Variants in SEC61A2 observed in about 807,000 individuals in gnomAD.
SEC61A2 encodes the protein SEC61 translocon subunit alpha 2.
A neutral mutation model predicts 59.9 loss-of-function variants in SEC61A2; 28 were observed. The ratio of observed to expected loss-of-function variants is 0.47; its 90% CI spans 0.35 to 0.64. The LOEUF is 0.64. SEC61A2 is among the 30% of genes least tolerant of loss of function. The probability of loss-of-function intolerance (pLI) is 0.01; values close to 1 mark genes in which losing one functional copy is unlikely to be tolerated. For synonymous variants in SEC61A2, 202 were observed against 214.4 expected (o/e 0.94, Z 0.50); for missense variants, 340 against 585.9 (o/e 0.58, Z 4.33).
intron 3 of SEC61A2, among the ~76,000 whole-genome samples, chr10:12,139,079 A>T (rs1644624576): frequency 6.6e-6 from 1 of 152,208 alleles, no homozygotes; most frequent in East Asian, 2.0e-4. Flanking sequence ...CTCCTATCTC[A>T]GCCTCCTGAG....
Position 12,164,974 on chromosome 10 carries a change from C to T in SEC61A2, c.*520C>T. The T allele has an allele frequency of 2.0e-6, 2 of 976,400 alleles. No homozygotes were observed. The highest frequency in any genetic ancestry group is 2.4e-6 in the Non-Finnish European group (2 of 824,026). The allele number at this position is 976,400 out of a possible 1,614,324, so 60.5% of individuals were successfully genotyped here. ...CATTTTTATTTGTCCCTTCTCAAAG[C>T]AGCCACTTAGCCCACATGGGCGAAA... On this transcript the variant is annotated 3_prime_UTR_variant, in exon 12 of 12. Transcript: ENST00000298428. The surrounding 1 kb of genome is among the most constrained non-coding windows in gnomAD (Gnocchi z 7.3).
chr10:12,164,149 T>C lies in SEC61A2; in HGVS notation c.1245-119T>C. ...CCTCCACACTGCAGCCTGTTCCCTC[T>C]GGAGTTCAGGGAGGCTTTAGACCCA... On this transcript the variant is annotated intron_variant, in intron 11 of 11. Transcript: ENST00000298428. This position sits in a 1 kb window ranked among gnomAD's most constrained non-coding sequence, Gnocchi z 7.3. 1.8e-6 allele frequency: 2 copies of C among 1,139,820 alleles called. No homozygotes were observed. 70.6% of individuals were successfully genotyped at this position (1,139,820 alleles called of 1,614,324 possible). A position where few individuals can be genotyped will look rare whatever the true frequency, so the allele number is the denominator to read the frequency against.
chr10:12,167,976 A>G, downstream of SEC61A2: 1 of 1,297,128 alleles, frequency 7.7e-7, no homozygotes, highest in South Asian at 1.7e-5. Flanking sequence ...AATAAAGACT[A>G]TAAAGGCAAG....
At chr10:12,139,790 T>C (rs563897376) in intron 3 of SEC61A2, among the ~76,000 whole-genome samples, 1 of 122,062 alleles carries the variant, frequency 8.2e-6, no homozygotes, top group South Asian at 2.7e-4. Context: ...TCTCAAAAAA[T>C]AATAAATAAA....
In SEC61A2 at chr10:12,150,776, C is replaced by CTT. The variant is rs764582648; in HGVS notation, c.462+830_462+831dup. On this transcript the variant is annotated intron_variant, in intron 6 of 11. Coordinates refer to ENST00000298428, the MANE Select transcript of SEC61A2 (RefSeq NM_018144.4). ...ACATAATTATTAGTGTCCTAAGTAT[C>CTT]TTTTTTTTTTTTTTTTGAGACGGAG... is the stretch of plus-strand genomic sequence containing the variant. Among the ~76,000 whole-genome samples, 21 of 140,306 alleles carry CTT rather than the reference C, an allele frequency of 1.5e-4. 1 individual carries two copies. Among genetic ancestry groups the CTT allele is most frequent in the Non-Finnish European group, 2.3e-4 (15 of 63,964 alleles). The allele number at this position is 140,306 out of a possible 152,430, so 92.0% of individuals were successfully genotyped here.
In SEC61A2 at chr10:12,164,204, CGTCTCTAGCTGCCGTGCTGTTCCTG is replaced by C. The variant is rs969669076; in HGVS notation, c.1245-57_1245-33del. 1.8e-5 allele frequency: 28 copies of C among 1,579,070 alleles called. No individual in the cohort carries two copies. The highest frequency in any genetic ancestry group is 1.5e-4 in the African/African-American group (11 of 73,514). ...TGGCTGCTGCGCCTCGACCTGTCTT[CGTCTCTAGCTGCCGTGCTGTTCCTG>C]GTCTCTGCTGCCGCCTAACTTGGGG... On this transcript the variant is annotated intron_variant, in intron 11 of 11. Coordinates refer to ENST00000298428, the MANE Select transcript of SEC61A2 (RefSeq NM_018144.4). The surrounding 1 kb of genome is among the most constrained non-coding windows in gnomAD (Gnocchi z 7.3).
rs559655434 is a variant in SEC61A2, at chr10:12,149,420, G to A, written c.221-175G>A. 1.6e-4 allele frequency among the ~76,000 whole-genome samples: 25 copies of A among 152,292 alleles called. No homozygotes were observed. The highest frequency in any genetic ancestry group is 3.9e-4 in the Admixed American group (6 of 15,292). On this transcript the variant is annotated intron_variant, in intron 4 of 11. Coordinates refer to ENST00000298428, the MANE Select transcript of SEC61A2 (RefSeq NM_018144.4). The surrounding 1 kb of genome is among the most constrained non-coding windows in gnomAD (Gnocchi z 5.2). ...ACTTTTTATTCAGGGCATTGCTGCAGGATTGTGTTAATAAATGAGAACTTT... is the reference window on the plus strand; with the variant it reads ...ACTTTTTATTCAGGGCATTGCTGCAAGATTGTGTTAATAAATGAGAACTTT...
intron 4 of SEC61A2, among the ~76,000 whole-genome samples, chr10:12,146,124 G>A (rs1048936117): frequency 2.0e-5 from 3 of 152,094 alleles, no homozygotes; most frequent in South Asian, 4.1e-4. Flanking sequence ...AGGTTCAAGC[G>A]ATTTTCCTGC....
chr10:12,148,966 AG>A (rs1834214802), intron 4 of SEC61A2, among the ~76,000 whole-genome samples: 1 of 152,246 alleles, frequency 6.6e-6, no homozygotes, highest in South Asian at 2.1e-4. Flanking sequence ...TTATGAAAAC[AG>A]GATTGAAGGG....
downstream of SEC61A2, chr10:12,167,488 T>C (rs1345148084): frequency 9.9e-6 from 5 of 503,022 alleles, no homozygotes; most frequent in Non-Finnish European, 3.5e-6. Context: ...TGCATTTATA[T>C]TCTTTGTTAA....
chr10:12,137,284 A>G (rs1409062343), intron 3 of SEC61A2, among the ~76,000 whole-genome samples: 3 of 152,144 alleles, frequency 2.0e-5, no homozygotes. Context: ...GTGTTTAAAA[A>G]TTACTAAAAT....
intron 1 of SEC61A2, among the ~76,000 whole-genome samples, chr10:12,132,864 C>T (rs1191181792): frequency 6.6e-6 from 1 of 152,180 alleles, no homozygotes; most frequent in Non-Finnish European, 1.5e-5. Context: ...GCCCTTTGAA[C>T]AGCCCCCTTT....
In SEC61A2 at chr10:12,155,432, C is replaced by G. The variant is rs111582632; in HGVS notation, c.463-346C>G. The G allele has an allele frequency of 2.4e-5, 31 of 1,283,868 alleles. 1 individual carries two copies. In the African/African-American group the frequency reaches 2.9e-4, roughly 12 times the overall value. The allele number at this position is 1,283,868 out of a possible 1,614,324, so 79.5% of individuals were successfully genotyped here. Reference sequence around the variant, plus strand: ...TATTTGGGATGTTTTCAGTTTCTTGCTGTCATAAATTCTAGAATACTGTGA... The same window carrying G: ...TATTTGGGATGTTTTCAGTTTCTTGGTGTCATAAATTCTAGAATACTGTGA... On this transcript the variant is annotated intron_variant, in intron 6 of 11. Coordinates refer to ENST00000298428, the MANE Select transcript of SEC61A2 (RefSeq NM_018144.4). This position sits in a 1 kb window ranked among gnomAD's most constrained non-coding sequence, Gnocchi z 4.3.
At position 12,129,891 on chromosome 10, in the gene SEC61A2, GC is replaced by G. The variant is rs1294185490; in HGVS notation, c.7+99del. ...CTGGCGCTCGCTCGGAGTCGTGGGG[GC>G]CAGGGATGCGCGGGCCGCTCCGGGC... On this transcript the variant is annotated intron_variant, in intron 1 of 11. Transcript: ENST00000298428. The surrounding 1 kb of genome is among the most constrained non-coding windows in gnomAD (Gnocchi z 5.6). 5 of 1,122,002 alleles carry G rather than the reference GC, an allele frequency of 4.5e-6. No individual in the cohort carries two copies. The African/African-American group carries it at 8.2e-5, about 18-fold the overall frequency. 69.5% of individuals were successfully genotyped at this position (1,122,002 alleles called of 1,614,324 possible).
In SEC61A2 at chr10:12,162,208, G is replaced by T. The variant is rs780057732; in HGVS notation, c.1168-5G>T. 1.2e-6 allele frequency: 2 copies of T among 1,612,476 alleles called. No homozygotes were observed. Among genetic ancestry groups the T allele is most frequent in the Non-Finnish European group, 1.7e-6 (2 of 1,179,076 alleles). ...GGATTTTGAAAGTCGTTTTTCTCTC[G>T]GCAGGTAGCTAAACAGCTGAAAGAA... On this transcript the variant is annotated splice_region_variant and splice_polypyrimidine_tract_variant and intron_variant, in intron 10 of 11. Coordinates refer to ENST00000298428, the MANE Select transcript of SEC61A2 (RefSeq NM_018144.4). The surrounding 1 kb of genome is among the most constrained non-coding windows in gnomAD (Gnocchi z 6.1).
chr10:12,147,889 A>G (rs943478237), intron 4 of SEC61A2, among the ~76,000 whole-genome samples: 1 of 151,550 alleles, frequency 6.6e-6, no homozygotes, highest in Non-Finnish European at 1.5e-5. Flanking sequence ...GACTAGAGCT[A>G]TTTGCAATAA....
rs988201052 is a variant in SEC61A2 at position 12,156,807 on chromosome 10, A to G, written c.617-100A>G. 4 of 1,164,562 alleles carry G rather than the reference A, an allele frequency of 3.4e-6. No homozygotes were observed. The highest frequency in any genetic ancestry group is 1.4e-5 in the South Asian group (1 of 69,206). The allele number at this position is 1,164,562 out of a possible 1,614,324, so 72.1% of individuals were successfully genotyped here. A position where few individuals can be genotyped will look rare whatever the true frequency, so the allele number is the denominator to read the frequency against. On this transcript the variant is annotated intron_variant, in intron 7 of 11. Transcript: ENST00000298428. This position sits in a 1 kb window ranked among gnomAD's most constrained non-coding sequence, Gnocchi z 5.2. ...AAACATTGGCGAATTCTTTTGACCC[A>G]TATTTTCTGCTGTATACTGGACTTT...
intron 4 of SEC61A2, among the ~76,000 whole-genome samples, chr10:12,147,066 T>G (rs376369331): frequency 2.2e-4 from 34 of 152,164 alleles, no homozygotes; most frequent in African/African-American, 8.0e-4. Context: ...AGTATTTTAA[T>G]TTTTTGTAGA....
At chr10:12,134,577 A>T (rs1833840729) in intron 2 of SEC61A2, among the ~76,000 whole-genome samples, 2 of 152,166 alleles carry the variant, frequency 1.3e-5, no homozygotes, top group South Asian at 4.1e-4. Context: ...AAAGAAACTT[A>T]TATTTAGGAA....
Sources: allele counts gnomAD v4.1 joint callset (sites outside exome capture counted in the v4.1 genomes callset), GRCh38; gene constraint gnomAD v4.1.1; non-coding constraint Gnocchi (gnomAD v3.1); transcripts MANE v1.5; gene names NCBI Gene and HGNC (gene_info 2026-07-23, HGNC 2026-07-21).